Variants in RNF150 observed in about 807,000 individuals in gnomAD.
RNF150 encodes the protein ring finger protein 150.
RNF150 carries 24 observed loss-of-function variants against 39.3 expected under a neutral mutation model. The observed-to-expected ratio is 0.61, with a 90% CI of 0.44 to 0.86. RNF150 has a LOEUF of 0.86. RNF150 is among the 40% of genes least tolerant of loss of function. The probability of loss-of-function intolerance (pLI) is 0.00; values close to 1 mark genes in which losing one functional copy is unlikely to be tolerated. For synonymous variants in RNF150, 255 were observed against 227.3 expected (o/e 1.12, Z -1.10); for missense variants, 502 against 587.8 (o/e 0.85, Z 1.51).
At chr4:140,927,244 A>T (rs1211808345) in intron 4 of RNF150, among the ~76,000 whole-genome samples, 1 of 152,228 alleles carries the variant, frequency 6.6e-6, no homozygotes, top group Admixed American at 6.5e-5. Context: ...AAAGGACTGT[A>T]GCAACAAGGA....
intron 1 of RNF150, among the ~76,000 whole-genome samples, chr4:140,983,401 T>C (rs1369879080): frequency 2.6e-5 from 4 of 152,186 alleles, no homozygotes; most frequent in Non-Finnish European, 2.9e-5. Flanking sequence ...TTCTGTACTA[T>C]AGATAAGCAT....
chr4:140,881,857 G>A (rs1325080112), intron 6 of RNF150, among the ~76,000 whole-genome samples: 1 of 151,626 alleles, frequency 6.6e-6, no homozygotes, highest in African/African-American at 2.4e-5. Flanking sequence ...TTCTAGGCTG[G>A]GTGACAAAGC....
intron 5 of RNF150, among the ~76,000 whole-genome samples, chr4:140,921,238 A>G (rs1731127793): frequency 6.6e-6 from 1 of 151,842 alleles, no homozygotes; most frequent in Admixed American, 6.6e-5. Flanking sequence ...AATAAAGAAG[A>G]AAAGAGAGAA....
At chr4:141,045,222 A>G (rs1736526141) in intron 1 of RNF150, among the ~76,000 whole-genome samples, 1 of 152,236 alleles carries the variant, frequency 6.6e-6, no homozygotes, top group African/African-American at 2.4e-5. Flanking sequence ...TTAAATCAAA[A>G]TACCAGAAAC....
chr4:141,170,765 T>C, intron 1 of RNF150, among the ~76,000 whole-genome samples: 1 of 152,194 alleles, frequency 6.6e-6, no homozygotes, highest in East Asian at 1.9e-4. Context: ...GTAAATCACC[T>C]CATATGTCAA....
rs906744798 is a variant in RNF150, at chr4:141,052,306, T to C, written c.484+80019A>G. On this transcript the variant is annotated intron_variant, in intron 1 of 6. Coordinates refer to ENST00000515673, the MANE Select transcript of RNF150 (RefSeq NM_020724.2). ...TAACTTTTCCCCATAATCCTCAACA[T>C]TGTAAATATTAAACAGTCATAAACA... 9.2e-5 allele frequency among the ~76,000 whole-genome samples: 14 copies of C among 152,342 alleles called. No homozygotes were observed. The East Asian group carries it at 9.6e-4, about 10-fold the overall frequency.
chr4:141,039,238 T>C, intron 1 of RNF150, among the ~76,000 whole-genome samples: 1 of 152,096 alleles, frequency 6.6e-6, no homozygotes, highest in East Asian at 1.9e-4. Flanking sequence ...GAACGCAACA[T>C]TCTAGAAATT....
intron 1 of RNF150, among the ~76,000 whole-genome samples, chr4:140,990,734 C>T (rs1430739212): frequency 6.6e-6 from 1 of 152,190 alleles, no homozygotes; most frequent in Non-Finnish European, 1.5e-5. Context: ...TCCAGTCTAT[C>T]ATTGATGGGC....
intron 1 of RNF150, among the ~76,000 whole-genome samples, chr4:141,108,291 C>T (rs1438261966): frequency 6.6e-6 from 1 of 152,200 alleles, no homozygotes; most frequent in Non-Finnish European, 1.5e-5. Flanking sequence ...TTAGGACCAG[C>T]ACTGTTTTCT....
At chr4:141,091,477 A>G (rs1291602092) in intron 1 of RNF150, among the ~76,000 whole-genome samples, 1 of 152,206 alleles carries the variant, frequency 6.6e-6, no homozygotes, top group Admixed American at 6.5e-5. Context: ...AGGATGGGAA[A>G]CAGTGGATAA....
At chr4:141,062,847 T>C (rs992997338) in intron 1 of RNF150, among the ~76,000 whole-genome samples, 2 of 152,096 alleles carry the variant, frequency 1.3e-5, no homozygotes, top group Admixed American at 6.6e-5. Context: ...CGCCCTCTAG[T>C]AGGCCCCAGT....
At chr4:141,072,153 G>A (rs899152594) in intron 1 of RNF150, among the ~76,000 whole-genome samples, 1 of 152,188 alleles carries the variant, frequency 6.6e-6, no homozygotes, top group African/African-American at 2.4e-5. Context: ...CATGAGCACT[G>A]AGGGCCTTTC....
chr4:141,132,753 A>G lies in RNF150; in HGVS notation c.56T>C (p.Leu19Pro). Residue 19 changes from leucine to proline, a missense_variant, in exon 1 of 7, where the codon CTT (leucine) becomes CCT (proline). Leu to Pro is a moderately conservative substitution (Grantham distance 98). Transcript: ENST00000515673. This position sits in a 1 kb window ranked among gnomAD's most constrained non-coding sequence, Gnocchi z 4.9. ...GAGCAGATGCACGAAACAAAAGGAA[A>G]GCAGCCATGTTGAGAGAGCCAGACT... Reference protein sequence around the residue: ...CCSLALSTWLLSFCFVHLLCL... With the variant: ...CCSLALSTWLPSFCFVHLLCL... 1 of 1,610,402 alleles carries G rather than the reference A, an allele frequency of 6.2e-7. No individual in the cohort carries two copies. The highest frequency in any genetic ancestry group is 8.5e-7 in the Non-Finnish European group (1 of 1,178,578).
intron 6 of RNF150, among the ~76,000 whole-genome samples, chr4:140,908,716 A>T (rs565770942): frequency 6.6e-6 from 1 of 152,278 alleles, no homozygotes; most frequent in African/African-American, 2.4e-5. Flanking sequence ...ATGGATATAG[A>T]TCATAATTTT....
At chr4:141,163,161 C>T (rs1578774693) in intron 1 of RNF150, among the ~76,000 whole-genome samples, 1 of 152,266 alleles carries the variant, frequency 6.6e-6, no homozygotes, top group East Asian at 1.9e-4. Flanking sequence ...GCGGTTTTCC[C>T]CTCACAGTGT....
chr4:141,024,091 C>T (rs1264903487), intron 1 of RNF150, among the ~76,000 whole-genome samples: 2 of 152,150 alleles, frequency 1.3e-5, no homozygotes, highest in Non-Finnish European at 2.9e-5. Flanking sequence ...GTTACCTGAG[C>T]TGCCGATGGG....
intron 1 of RNF150, among the ~76,000 whole-genome samples, chr4:141,095,241 C>T (rs1361887666): frequency 2.0e-5 from 3 of 152,142 alleles, no homozygotes; most frequent in Non-Finnish European, 4.4e-5. Context: ...TAGCTGGGGG[C>T]CTCAAACACA....
intron 1 of RNF150, among the ~76,000 whole-genome samples, chr4:141,179,179 T>C (rs534831410): frequency 2.6e-5 from 4 of 152,110 alleles, no homozygotes; most frequent in Non-Finnish European, 4.4e-5. Context: ...ATCTCAAGAG[T>C]GTAGCACCTG....
chr4:140,992,771 G>A (rs1734240593), intron 1 of RNF150, among the ~76,000 whole-genome samples: 2 of 152,164 alleles, frequency 1.3e-5, no homozygotes, highest in South Asian at 4.1e-4. Context: ...GGACAACTGT[G>A]AAGTTGGCCA....
Sources: allele counts gnomAD v4.1 joint callset (sites outside exome capture counted in the v4.1 genomes callset), GRCh38; gene constraint gnomAD v4.1.1; non-coding constraint Gnocchi (gnomAD v3.1); transcripts MANE v1.5; gene names NCBI Gene and HGNC (gene_info 2026-07-23, HGNC 2026-07-21).